The following ITPRIPL1 variants were observed in gnomAD, a reference collection of about 807,000 sequenced individuals.
ITPRIPL1 encodes inositol 1,4,5-trisphosphate receptor-interacting protein-like 1.
ITPRIPL1 carries 28 observed loss-of-function variants against 40.0 expected under a neutral mutation model. That is an observed-to-expected ratio of 0.70 (90% CI 0.52 to 0.96). The LOEUF (loss-of-function observed/expected upper bound fraction) is 0.96. Ranked by LOEUF, ITPRIPL1 falls within the 40% of genes least tolerant of loss-of-function variation. The pLI is 0.00. For synonymous variants in ITPRIPL1, 251 were observed against 275.7 expected (o/e 0.91, Z 0.89); for missense variants, 638 against 698.0 (o/e 0.91, Z 0.97).
chr2:96,325,945 G>A, intron 2 of ITPRIPL1, 96 bp downstream of exon 2: 8 of 1,397,020 alleles, frequency 5.7e-6, no homozygotes, highest in Non-Finnish European at 8.1e-6. Flanking sequence ...CCGGCTGTCA[G>A]GTAGGCCTTG....
rs1017024110 is a variant in ITPRIPL1, at chr2:96,325,885, A to C, written c.10+36A>C. On this transcript the variant is annotated intron_variant, in intron 2 of 2. Transcript: ENST00000439118. The stretch of plus-strand genomic sequence containing the variant: ...TAGCTTGTGAATTAGGGTGAGTGGC[A>C]GAAGCTCGGGCTTCACGGGTGGGTG... 21 of 1,610,080 alleles carry C rather than the reference A, an allele frequency of 1.3e-5. No homozygotes were observed. The East Asian group carries it at 4.7e-4, about 36-fold the overall frequency.
chr2:96,328,498 T>G (rs1170559322), downstream of ITPRIPL1: 1 of 531,468 alleles, frequency 1.9e-6, no homozygotes, highest in African/African-American at 1.9e-5. Context: ...CAAGGATGGG[T>G]CATCTGAGGT....
At chr2:96,325,662 G>A (rs2064099152) in intron 1 of ITPRIPL1, 85 bp from the exon 2 acceptor site, 3 of 663,352 alleles carry the variant, frequency 4.5e-6, no homozygotes, top group Non-Finnish European at 8.2e-6. Context: ...ATCTCTGGGC[G>A]TGGAATTTGG....
downstream of ITPRIPL1, chr2:96,328,626 A>G (rs1442881687): frequency 4.3e-6 from 1 of 233,520 alleles, no homozygotes; most frequent in African/African-American, 2.3e-5. Flanking sequence ...GTGTTTTTGT[A>G]TCAACACTCG....
rs2064103534 is a variant in ITPRIPL1, at chr2:96,326,066, T to G, written c.10+217T>G. 4.4e-6 allele frequency: 5 copies of G among 1,147,856 alleles called. No individual in the cohort carries two copies. In the Admixed American group the frequency reaches 8.3e-5, roughly 19 times the overall value. 71.1% of individuals were successfully genotyped at this position (1,147,856 alleles called of 1,614,324 possible). A position where few individuals can be genotyped will look rare whatever the true frequency, so the allele number is the denominator to read the frequency against. ...CAGAGAGGGCACCGTAGCAAGCAGC[T>G]GGCGGCACTGTGCCTCTCTTGCGCT... is the stretch of plus-strand genomic sequence containing the variant. On this transcript the variant is annotated intron_variant, in intron 2 of 2. Coordinates refer to ENST00000439118, the MANE Select transcript of ITPRIPL1 (RefSeq NM_001008949.3).
Position 96,326,932 on chromosome 2 carries a change from C to T in ITPRIPL1, c.301C>T (p.Gln101Ter). Residue 101 changes from glutamine to a stop codon, truncating the protein, a stop_gained, in exon 3 of 3, where the codon CAG becomes TAG. Transcript: ENST00000439118. LOFTEE classifies it high-confidence loss of function. ...GGGGTGGCCGTTCCAGGCCGATGGC[C>T]AGGAAGGGCCTCTGGGCTGGATGCT... ...DMGWPFQADG[Q>*]EGPLGWMLGN... 2 of 1,614,212 alleles carry T rather than the reference C, an allele frequency of 1.2e-6. No individual in the cohort carries two copies. The highest frequency in any genetic ancestry group is 1.1e-5 in the South Asian group (1 of 91,082).
intron 2 of ITPRIPL1, chr2:96,326,212 G>T: frequency 6.9e-7 from 1 of 1,445,946 alleles, no homozygotes; most frequent in Non-Finnish European, 9.2e-7. Context: ...GCAGAGGAAA[G>T]GTGTCACCCA....
At chr2:96,326,231 C>T in intron 2 of ITPRIPL1, 1 of 1,439,840 alleles carries the variant, frequency 6.9e-7, no homozygotes, top group Non-Finnish European at 9.2e-7. Flanking sequence ...CAGGCAGGTT[C>T]AGGGCTTTCT....
At chr2:96,325,721 C>T (rs1234776360) in intron 1 of ITPRIPL1, 26 bp from the exon 2 acceptor site, 3 of 1,041,874 alleles carry the variant, frequency 2.9e-6, no homozygotes, top group Non-Finnish European at 4.5e-6. Flanking sequence ...AGCCAAAGCC[C>T]CCAGGTACCT....
chr2:96,328,063 C>G lies in ITPRIPL1; in HGVS notation c.1432C>G (p.Leu478Val). 1 of 1,614,202 alleles carries G rather than the reference C, an allele frequency of 6.2e-7. No individual in the cohort carries two copies. The highest frequency in any genetic ancestry group is 1.1e-5 in the South Asian group (1 of 91,082). Residue 478 changes from leucine (L) to valine (V), a missense_variant, in exon 3 of 3, where the codon CTC becomes GTC. Transcript: ENST00000439118. ...GCTCTCTCAGCGGCTCCAGGACATT[C>G]TCTGGTTCTTGGGCCGTGGCCTCCA... ...NMLSQRLQDI[L>V]WFLGRGLQQR...
Position 96,327,129 on chromosome 2 carries a change from G to A in ITPRIPL1, c.498G>A (p.Glu166=), listed in dbSNP as rs775600929. 9 of 1,614,190 alleles carry A rather than the reference G, an allele frequency of 5.6e-6. No individual in the cohort carries two copies. The highest frequency in any genetic ancestry group is 7.6e-6 in the Non-Finnish European group (9 of 1,180,024). ...GGCTTACTGACTTCCCCTCCCAGGA[G>A]GCCCTGGACTCCTTTTACAAACACT... The part of the protein sequence containing the change: ...YNWLTDFPSQ[E]ALDSFYKHYV... Residue 166 remains glutamate, a synonymous_variant, in exon 3 of 3, where the codon GAG becomes GAA. Transcript: ENST00000439118.
At chr2:96,328,458 G>GCCCATCCTC, downstream of ITPRIPL1, 1 of 697,164 alleles carries the variant, frequency 1.4e-6, no homozygotes. Flanking sequence ...TGGTCATGAG[G>GCCCATCCTC]ATGGGCATAA....
At position 96,326,938 on chromosome 2, in the gene ITPRIPL1, G is replaced by A. The variant is rs763928813; in HGVS notation, c.307G>A (p.Gly103Arg). ...GCCGTTCCAGGCCGATGGCCAGGAAGGGCCTCTGGGCTGGATGCTGGGAAA... is the reference window on the plus strand; with the variant it reads ...GCCGTTCCAGGCCGATGGCCAGGAAAGGCCTCTGGGCTGGATGCTGGGAAA... ...GWPFQADGQE[G>R]PLGWMLGNLW... Residue 103 changes from glycine to arginine, a missense_variant, in exon 3 of 3, where the codon GGG becomes AGG. Physicochemically the swap from Gly to Arg is moderately radical, Grantham distance 125. Transcript: ENST00000439118. 5 of 1,614,242 alleles carry A rather than the reference G, an allele frequency of 3.1e-6. No individual in the cohort carries two copies. The South Asian group carries it at 5.5e-5, about 18-fold the overall frequency.
In ITPRIPL1 at chr2:96,326,664, G is replaced by C; in HGVS notation, c.33G>C (p.Val11=). Residue 11 remains valine, a synonymous_variant, in exon 3 of 3, where the codon GTG becomes GTC. Coordinates refer to ENST00000439118, the MANE Select transcript of ITPRIPL1 (RefSeq NM_001008949.3). The part of the protein sequence containing the change: MNVDAEASMA[V]ISLLFLAVMY... Reference sequence around the variant, plus strand: ...CAGATGCAGAGGCCTCCATGGCTGTGATAAGCCTGCTGTTCTTGGCAGTGA... The same window carrying C: ...CAGATGCAGAGGCCTCCATGGCTGTCATAAGCCTGCTGTTCTTGGCAGTGA... 3 of 1,614,212 alleles carry C rather than the reference G, an allele frequency of 1.9e-6. No homozygotes were observed. Among genetic ancestry groups the C allele is most frequent in the Non-Finnish European group, 2.5e-6 (3 of 1,180,046 alleles).
At chr2:96,329,281 CTAATT>C (rs2064144900), downstream of ITPRIPL1, 1 of 147,176 alleles carries the variant, frequency 6.8e-6, no homozygotes, top group African/African-American at 2.5e-5. Context: ...AAAAAACTAC[CTAATT>C]TATTCGCATT....
chr2:96,325,671 G>T, intron 1 of ITPRIPL1, 76 bp from the exon 2 acceptor site: 1 of 679,898 alleles, frequency 1.5e-6, no homozygotes, highest in South Asian at 1.7e-5. Context: ...CGTGGAATTT[G>T]GGGAAGTTAT....
Position 96,326,865 on chromosome 2 carries a change from A to G in ITPRIPL1, c.234A>G (p.Gly78=), listed in dbSNP as rs1306588033. The G allele has an allele frequency of 3.1e-6, 5 of 1,614,126 alleles. No individual in the cohort carries two copies. The Admixed American group carries it at 8.3e-5, about 27-fold the overall frequency. ...AGAAGGCAGAGAACTTCTGGACAGG[A>G]GACACATCCAGTGACCAGTTAGTGC... is the stretch of plus-strand genomic sequence containing the variant. ...QRQKAENFWT[G]DTSSDQLVLG... Residue 78 remains glycine (G), a synonymous_variant, in exon 3 of 3, where the codon GGA becomes GGG. Coordinates refer to ENST00000439118, the MANE Select transcript of ITPRIPL1 (RefSeq NM_001008949.3).
chr2:96,326,627 C>T lies in ITPRIPL1; in HGVS notation c.11-15C>T. ...TGGAAGATGACCACTGACTCCTACTCTCCTACTTCTCCAGATGCAGAGGCC... is the reference window on the plus strand; with the variant it reads ...TGGAAGATGACCACTGACTCCTACTTTCCTACTTCTCCAGATGCAGAGGCC... On this transcript the variant is annotated splice_polypyrimidine_tract_variant and intron_variant, in intron 2 of 2. Transcript: ENST00000439118. The T allele has an allele frequency of 6.2e-7, 1 of 1,614,214 alleles. No individual in the cohort carries two copies. The highest frequency in any genetic ancestry group is 8.5e-7 in the Non-Finnish European group (1 of 1,180,032).
In ITPRIPL1 at chr2:96,327,611, G is replaced by T; in HGVS notation, c.980G>T (p.Gly327Val). The T allele has an allele frequency of 6.2e-7, 1 of 1,609,336 alleles. No individual in the cohort carries two copies. The highest frequency in any genetic ancestry group is 8.5e-7 in the Non-Finnish European group (1 of 1,177,922). Reference protein sequence around the residue: ...KTVQWFRNMMGNAWALVAHKY... With the variant: ...KTVQWFRNMMVNAWALVAHKY... ...GTGCAGTGGTTCCGGAACATGATGGGCAATGCCTGGGCCCTTGTGGCCCAC... is the reference window on the plus strand; with the variant it reads ...GTGCAGTGGTTCCGGAACATGATGGTCAATGCCTGGGCCCTTGTGGCCCAC... The change falls in exon 3 of 3, where the codon GGC (glycine) becomes GTC (valine). Residue 327 changes from glycine to valine, a missense_variant. By Grantham distance (109) the Gly-to-Val change is moderately radical (BLOSUM62 -3). Transcript: ENST00000439118.
Sources: allele counts gnomAD v4.1 joint callset, GRCh38; gene constraint gnomAD v4.1.1; transcripts MANE v1.5; gene names NCBI Gene and HGNC (gene_info 2026-07-23, HGNC 2026-07-21).